Variants in RALYL observed in about 807,000 individuals in gnomAD.
RALYL encodes RNA-binding Raly-like protein.
Under a neutral mutation model 35.1 loss-of-function variants are expected in RALYL, and 29 were observed. The ratio of observed to expected loss-of-function variants is 0.83; its 90% CI spans 0.61 to 1.13. The LOEUF (loss-of-function observed/expected upper bound fraction) is 1.13. Ranked by LOEUF, RALYL falls within the 50% of genes most tolerant of loss-of-function variation. The pLI is 0.00. For synonymous variants in RALYL, 120 were observed against 127.6 expected, an observed-to-expected ratio of 0.94 and a Z score of 0.40; for missense variants, 359 against 360.4, an observed-to-expected ratio of 1.00 and a Z score of 0.03.
intron 2 of RALYL, among the ~76,000 whole-genome samples, chr8:84,663,603 CTGCA>C (rs1831331491): frequency 6.6e-6 from 1 of 152,100 alleles, no homozygotes; most frequent in Admixed American, 6.6e-5. Flanking sequence ...TGTTTGTTGG[CTGCA>C]TGCATGTCTT....
intron 1 of RALYL, among the ~76,000 whole-genome samples, chr8:84,510,725 G>T (rs1299682334): frequency 6.6e-6 from 1 of 152,006 alleles, no homozygotes; most frequent in Non-Finnish European, 1.5e-5. Context: ...CAGGAGAATT[G>T]CTTGAACCTG....
At position 84,436,515 on chromosome 8, in the gene RALYL, A is replaced by G. The variant is rs544334005; in HGVS notation, c.-23-92784A>G. 4.0e-5 allele frequency among the ~76,000 whole-genome samples: 6 copies of G among 150,932 alleles called. No homozygotes were observed. The East Asian group carries it at 1.2e-3, about 29-fold the overall frequency. ...TAAAACCTTCGCAGAGGCACTAAAA[A>G]GAGAGTGTCTTTTCAACAATCATGG... On this transcript the variant is annotated intron_variant, in intron 1 of 8. Coordinates refer to ENST00000521268, the MANE Select transcript of RALYL (RefSeq NM_173848.7).
chr8:84,610,961 A>G (rs1818184648), intron 2 of RALYL, among the ~76,000 whole-genome samples: 1 of 151,934 alleles, frequency 6.6e-6, no homozygotes, highest in Non-Finnish European at 1.5e-5. Context: ...GATATTTCCT[A>G]CTCCAGTATA....
intron 1 of RALYL, among the ~76,000 whole-genome samples, chr8:84,469,023 G>A (rs939430000): frequency 1.3e-5 from 2 of 151,644 alleles, no homozygotes; most frequent in African/African-American, 2.4e-5. Flanking sequence ...CTCTGTATTG[G>A]TTATTCTAGT....
chr8:84,570,333 T>C (rs1201257648), intron 2 of RALYL, among the ~76,000 whole-genome samples: 2 of 151,864 alleles, frequency 1.3e-5, no homozygotes, highest in Non-Finnish European at 2.9e-5. Context: ...TTGTTTTTTT[T>C]TTCTAACTAT....
In RALYL at chr8:84,345,050, G is replaced by A. The variant is rs532796364; in HGVS notation, c.-24+160626G>A. Among the ~76,000 whole-genome samples the A allele has an allele frequency of 3.3e-5, 5 of 151,470 alleles. No individual in the cohort carries two copies. In the East Asian group the frequency reaches 9.7e-4, roughly 29 times the overall value. ...TCCTCATGATATATACACCAAAGTG[G>A]GATTGCTGGATCATATGATAATTCT... On this transcript the variant is annotated intron_variant, in intron 1 of 8. Coordinates refer to ENST00000521268, the MANE Select transcript of RALYL (RefSeq NM_173848.7).
At chr8:84,217,458 T>C (rs1209372901) in intron 1 of RALYL, among the ~76,000 whole-genome samples, 1 of 152,124 alleles carries the variant, frequency 6.6e-6, no homozygotes, top group African/African-American at 2.4e-5. Flanking sequence ...ACCTAGACTA[T>C]CTTAAATAAA....
At chr8:84,904,618 T>C (rs1171980703) in intron 8 of RALYL, among the ~76,000 whole-genome samples, 5 of 152,126 alleles carry the variant, frequency 3.3e-5, no homozygotes, top group Admixed American at 3.3e-4. Context: ...AAAGAAATAG[T>C]TCACGGGTTG....
rs564876723 is a variant in RALYL, at chr8:84,389,275, A to G, written c.-23-140024A>G. On this transcript the variant is annotated intron_variant, in intron 1 of 8. Coordinates refer to ENST00000521268, the MANE Select transcript of RALYL (RefSeq NM_173848.7). ...GTAGTATAGTTTGAAGTCAGGTAGC[A>G]TGATGCTTCCAGCTGTGTTCTTTTG... Among the ~76,000 whole-genome samples, 892 of 152,176 alleles carry G rather than the reference A, an allele frequency of 5.9e-3. 5 individuals carry two copies. The highest frequency in any genetic ancestry group is 0.011 in the African/African-American group (452 of 41,540).
intron 4 of RALYL, among the ~76,000 whole-genome samples, chr8:84,818,191 T>C (rs1194456673): frequency 6.6e-6 from 1 of 152,068 alleles, no homozygotes; most frequent in African/African-American, 2.4e-5. Flanking sequence ...AGGCTGTACT[T>C]AGAGTGATAT....
At chr8:84,360,202 A>G (rs1309220588) in intron 1 of RALYL, among the ~76,000 whole-genome samples, 2 of 152,182 alleles carry the variant, frequency 1.3e-5, no homozygotes, top group Non-Finnish European at 2.9e-5. Context: ...TGGAGCACAA[A>G]GTGTTACTTG....
At chr8:84,248,324 A>T (rs1205752363) in intron 1 of RALYL, among the ~76,000 whole-genome samples, 4 of 152,130 alleles carry the variant, frequency 2.6e-5, no homozygotes, top group East Asian at 3.9e-4. Flanking sequence ...AGTCAGTAGT[A>T]GTCCTATTCA....
At chr8:84,493,642 GA>G (rs903216820) in intron 1 of RALYL, among the ~76,000 whole-genome samples, 2 of 152,024 alleles carry the variant, frequency 1.3e-5, no homozygotes, top group African/African-American at 4.8e-5. Flanking sequence ...TTGTGGTTTT[GA>G]TTTGCATTTC....
chr8:84,651,605 A>G (rs937375510), intron 2 of RALYL, among the ~76,000 whole-genome samples: 17 of 152,094 alleles, frequency 1.1e-4, no homozygotes, highest in Non-Finnish European at 2.2e-4. Context: ...AAAATAAGTA[A>G]CAGAATACAT....
At chr8:84,506,926 C>T (rs1221301231) in intron 1 of RALYL, among the ~76,000 whole-genome samples, 8 of 152,038 alleles carry the variant, frequency 5.3e-5, no homozygotes, top group African/African-American at 1.4e-4. Flanking sequence ...AAACCTGTCA[C>T]GGCACAGCCC....
intron 4 of RALYL, among the ~76,000 whole-genome samples, chr8:84,819,783 G>C (rs1427285318): frequency 6.6e-6 from 1 of 152,176 alleles, no homozygotes; most frequent in Admixed American, 6.5e-5. Context: ...TCATTAAATA[G>C]ATTTATTTAA....
Position 84,571,401 on chromosome 8 carries a change from T to C in RALYL, c.256+41824T>C, listed in dbSNP as rs979530526. ...CTTTAGGTTTTCTAGTTTTTGCAAA[T>C]AGGGGTGTTCATAGTAGTCTCTGAT... On this transcript the variant is annotated intron_variant, in intron 2 of 8. Coordinates refer to ENST00000521268, the MANE Select transcript of RALYL (RefSeq NM_173848.7). 2.8e-4 allele frequency among the ~76,000 whole-genome samples: 42 copies of C among 151,842 alleles called. 1 individual carries two copies. Among genetic ancestry groups the C allele is most frequent in the Non-Finnish European group, 5.2e-4 (35 of 67,880 alleles).
At chr8:84,674,289 T>A (rs1833793292) in intron 2 of RALYL, among the ~76,000 whole-genome samples, 1 of 152,080 alleles carries the variant, frequency 6.6e-6, no homozygotes, top group Non-Finnish European at 1.5e-5. Flanking sequence ...GATGGTGGGG[T>A]TTTCTAGATA....
intron 4 of RALYL, among the ~76,000 whole-genome samples, chr8:84,836,089 G>C (rs1831959623): frequency 1.3e-5 from 2 of 152,132 alleles, no homozygotes; most frequent in African/African-American, 4.8e-5. Context: ...ACACAGTAGA[G>C]AGAAAAGTAA....
Sources: allele counts gnomAD v4.1 joint callset (sites outside exome capture counted in the v4.1 genomes callset), GRCh38; gene constraint gnomAD v4.1.1; transcripts MANE v1.5; gene names NCBI Gene and HGNC (gene_info 2026-07-23, HGNC 2026-07-21).